SELP: variants seen among roughly 807,000 people sequenced by gnomAD.
SELP encodes the protein selectin P, also known as P-selectin.
SELP carries 92 observed loss-of-function variants against 104.1 expected under a neutral mutation model. The observed-to-expected ratio is 0.88, with a 90% confidence interval of 0.75 to 1.05. The LOEUF (loss-of-function observed/expected upper bound fraction) is 1.05, where lower values mean the gene tolerates loss of function less well. Ranked by LOEUF, SELP falls within the 50% of genes least tolerant of loss-of-function variation. The pLI is 0.00. For synonymous variants in SELP, 397 were observed against 364.5 expected, an observed-to-expected ratio of 1.09 and a Z score of -1.01; for missense variants, 1,022 against 1,017.3, an observed-to-expected ratio of 1.00 and a Z score of -0.06.
intron 10 of SELP, among the ~76,000 whole-genome samples, chr1:169,597,520 G>A (rs1261436828): frequency 6.6e-6 from 1 of 152,108 alleles, no homozygotes; most frequent in Non-Finnish European, 1.5e-5. Flanking sequence ...TATCTTACTT[G>A]AATGGGTGCA....
chr1:169,612,838 T>C lies in SELP; in HGVS notation c.775+91A>G. 4.5e-6 allele frequency: 5 copies of C among 1,102,572 alleles called. No homozygotes were observed. In the South Asian group the frequency reaches 9.5e-5, roughly 21 times the overall value. 68.3% of individuals were successfully genotyped at this position (1,102,572 alleles called of 1,614,324 possible). A position where few individuals can be genotyped will look rare whatever the true frequency, so the allele number is the denominator to read the frequency against. Reference sequence around the variant, plus strand: ...CCATCTAACCTAGATGGTCATTATTTCTCACATTTTTTAATGGAGAAAGCT... The same window carrying C: ...CCATCTAACCTAGATGGTCATTATTCCTCACATTTTTTAATGGAGAAAGCT... On this transcript the variant is annotated intron_variant, in intron 5 of 16. Transcript: ENST00000263686.
intron 3 of SELP, among the ~76,000 whole-genome samples, chr1:169,615,366 G>T (rs1303924539): frequency 2.0e-5 from 3 of 152,218 alleles, no homozygotes; most frequent in African/African-American, 7.2e-5. Flanking sequence ...TTCAGGTAAA[G>T]TTGTATTAAT....
At chr1:169,599,683 T>C (rs1029090948) in intron 10 of SELP, among the ~76,000 whole-genome samples, 1 of 152,180 alleles carries the variant, frequency 6.6e-6, no homozygotes, top group Non-Finnish European at 1.5e-5. Flanking sequence ...CTGAGTTGAA[T>C]ATTGTAAACT....
intron 14 of SELP, 57 bp downstream of exon 14, chr1:169,593,548 T>C: frequency 6.5e-7 from 1 of 1,536,072 alleles, no homozygotes; most frequent in Admixed American, 1.8e-5. Flanking sequence ...ATTACATAAA[T>C]CAATTTCTTT....
chr1:169,595,789 G>A, intron 12 of SELP, 136 bp downstream of exon 12: 2 of 734,566 alleles, frequency 2.7e-6, no homozygotes, highest in East Asian at 4.9e-5. Context: ...TAATGGGATT[G>A]GTGTGGATTT....
rs377298947 is a variant in SELP, at chr1:169,613,624, G to T, written c.551C>A (p.Ser184Tyr). Reference protein sequence around the residue: ...CLETIGNYTCSCYPGFYGPEC... With the variant: ...CLETIGNYTCYCYPGFYGPEC... ...TGGCCCATAGAATCCAGGGTAACAG[G>T]AGCAGGTGTAGTTCCCGATGGTCTC... Residue 184 changes from serine to tyrosine, a missense_variant, in exon 4 of 17, where the codon TCC becomes TAC. Physicochemically the swap from Ser to Tyr is moderately radical, Grantham distance 144. Coordinates refer to ENST00000263686, the MANE Select transcript of SELP (RefSeq NM_003005.4). The T allele has an allele frequency of 1.9e-6, 3 of 1,613,894 alleles. No individual in the cohort carries two copies. The highest frequency in any genetic ancestry group is 1.7e-5 in the Admixed American group (1 of 59,998).
chr1:169,590,290 A>G, intron 15 of SELP, 88 bp from the exon 16 acceptor site: 1 of 934,404 alleles, frequency 1.1e-6, no homozygotes. Flanking sequence ...AGAAACCACA[A>G]ATTACCATCC....
At chr1:169,598,567 C>G (rs548877209) in intron 10 of SELP, among the ~76,000 whole-genome samples, 1 of 152,346 alleles carries the variant, frequency 6.6e-6, no homozygotes, top group East Asian at 1.9e-4. Flanking sequence ...AACTTCATAT[C>G]TGACACATCA....
At chr1:169,609,954 G>A (rs184659549) in intron 7 of SELP, among the ~76,000 whole-genome samples, 4 of 152,114 alleles carry the variant, frequency 2.6e-5, no homozygotes, top group African/African-American at 9.6e-5. Flanking sequence ...AAGGGTAGAA[G>A]CCCCTGCAAT....
intron 8 of SELP, among the ~76,000 whole-genome samples, chr1:169,608,199 C>A (rs1034185330): frequency 1.3e-5 from 2 of 149,494 alleles, no homozygotes; most frequent in Non-Finnish European, 3.0e-5. Flanking sequence ...ATATACGTAG[C>A]ATGAAATTTA....
chr1:169,619,068 C>A, intron 2 of SELP, 61 bp downstream of exon 2: 8 of 1,351,366 alleles, frequency 5.9e-6, no homozygotes, highest in Non-Finnish European at 8.4e-6. Flanking sequence ...ATTTCTCACA[C>A]ATAGATCTGG....
chr1:169,627,746 C>G (rs1663442342), intron 1 of SELP, among the ~76,000 whole-genome samples: 1 of 152,136 alleles, frequency 6.6e-6, no homozygotes. Flanking sequence ...ATTCTAAGAG[C>G]TGGTGGCTAG....
At chr1:169,589,563 T>C (rs1402452353) in intron 16 of SELP, 102 bp from the exon 17 acceptor site, 2 of 152,152 alleles carry the variant, frequency 1.3e-5, no homozygotes, top group Admixed American at 6.6e-5. Flanking sequence ...AAAGGACAGG[T>C]CTCTGGAAAT....
At position 169,616,366 on chromosome 1, in the gene SELP, A is replaced by G. The variant is rs181357538; in HGVS notation, c.481+662T>C. ...AAAAAACACCAACTTTGGAATCAAC[A>G]TGAGTGTGAAACTGGCTCCACCATC... On this transcript the variant is annotated intron_variant, in intron 3 of 16. Transcript: ENST00000263686. Among the ~76,000 whole-genome samples the G allele has an allele frequency of 3.9e-5, 6 of 152,342 alleles. No individual in the cohort carries two copies. In the East Asian group the frequency reaches 7.7e-4, roughly 20 times the overall value.
At chr1:169,611,903 CCTATA>C (rs997007761) in intron 6 of SELP, among the ~76,000 whole-genome samples, 15 of 152,052 alleles carry the variant, frequency 9.9e-5, no homozygotes, top group Non-Finnish European at 1.5e-5. Flanking sequence ...TCCTCTATTC[CCTATA>C]CTTCTATAAA....
chr1:169,609,466 C>A (rs1330414080), intron 8 of SELP, 38 bp downstream of exon 8: 1 of 1,580,668 alleles, frequency 6.3e-7, no homozygotes, highest in Non-Finnish European at 8.6e-7. Flanking sequence ...CTCTAACGAG[C>A]TGAGACACAC....
At chr1:169,596,404 C>G (rs1438046893) in intron 11 of SELP, among the ~76,000 whole-genome samples, 1 of 152,110 alleles carries the variant, frequency 6.6e-6, no homozygotes, top group East Asian at 1.9e-4. Context: ...TAAAAAGAAG[C>G]AAGAAATGGT....
chr1:169,616,949 C>CT, intron 3 of SELP, 79 bp downstream of exon 3: 1 of 1,298,548 alleles, frequency 7.7e-7, no homozygotes, highest in Non-Finnish European at 1.0e-6. Context: ...TGTGTTGACT[C>CT]GGTGGTTATG....
At chr1:169,622,250 C>T (rs1663172944) in intron 1 of SELP, among the ~76,000 whole-genome samples, 1 of 152,156 alleles carries the variant, frequency 6.6e-6, no homozygotes, top group Admixed American at 6.5e-5. Flanking sequence ...CTAGTGATTT[C>T]CATTTATTTC....
Sources: gnomAD v4.1 joint callset for allele counts (sites outside exome capture counted in the v4.1 genomes callset) on GRCh38, gnomAD v4.1.1 for gene constraint, MANE v1.5 for transcripts, NCBI Gene and HGNC (gene_info 2026-07-23, HGNC 2026-07-21) for gene names.